SLC1A2: variants seen among roughly 807,000 people sequenced by gnomAD.
SLC1A2 encodes excitatory amino acid transporter 2.
In SLC1A2, 15 loss-of-function variants were observed where a neutral mutation model predicts 48.8. The observed-to-expected ratio is 0.31, with a 90% CI of 0.21 to 0.47. The LOEUF (loss-of-function observed/expected upper bound fraction) is 0.47, where lower values mean the gene tolerates loss of function less well. SLC1A2 is among the 20% of genes least tolerant of loss of function. The probability of loss-of-function intolerance (pLI) is 0.99; values close to 1 mark genes in which losing one functional copy is unlikely to be tolerated. For synonymous variants in SLC1A2, 279 were observed against 272.6 expected (o/e 1.02, Z -0.23); for missense variants, 502 against 730.5 (o/e 0.69, Z 3.61).
At chr11:35,293,896 G>GTGGCTTAT (rs1242509033) in intron 6 of SLC1A2, among the ~76,000 whole-genome samples, 2 of 152,196 alleles carry the variant, frequency 1.3e-5, no homozygotes, top group African/African-American at 4.8e-5. Context: ...ACCATGGTTA[G>GTGGCTTAT]TGGCTTATTC....
intron 1 of SLC1A2, among the ~76,000 whole-genome samples, chr11:35,371,512 G>A (rs569808319): frequency 4.1e-4 from 62 of 152,276 alleles, no homozygotes; most frequent in African/African-American, 1.2e-3. Flanking sequence ...CTGTGACTTC[G>A]TTTCCCTTAG....
chr11:35,393,655 G>A (rs969299895), intron 1 of SLC1A2, among the ~76,000 whole-genome samples: 1 of 152,144 alleles, frequency 6.6e-6, no homozygotes, highest in African/African-American at 2.4e-5. Context: ...TAGGCATTCA[G>A]ACAAAATGTG....
intron 1 of SLC1A2, among the ~76,000 whole-genome samples, chr11:35,395,536 T>A (rs1161928991): frequency 6.6e-6 from 1 of 151,788 alleles, no homozygotes; most frequent in East Asian, 1.9e-4. Context: ...CAAACACAGG[T>A]AAAGCAGGCA....
chr11:35,331,996 G>A (rs143275815), intron 1 of SLC1A2, among the ~76,000 whole-genome samples: 4 of 152,254 alleles, frequency 2.6e-5, no homozygotes, highest in Non-Finnish European at 4.4e-5. Flanking sequence ...AGTCTGCAGG[G>A]ACTGGGAGGT....
chr11:35,336,849 C>T (rs1414812499), intron 1 of SLC1A2, among the ~76,000 whole-genome samples: 1 of 152,132 alleles, frequency 6.6e-6, no homozygotes, highest in Non-Finnish European at 1.5e-5. Flanking sequence ...AATATTTACT[C>T]TTTAGCCCTT....
At chr11:35,291,447 A>G (rs1158542947) in intron 7 of SLC1A2, 1 of 152,124 alleles carries the variant, frequency 6.6e-6, no homozygotes, top group African/African-American at 2.4e-5. Flanking sequence ...TTTTTAGTAG[A>G]GACAGGGTTT....
chr11:35,340,478 C>T (rs1852798182), intron 1 of SLC1A2, among the ~76,000 whole-genome samples: 1 of 152,200 alleles, frequency 6.6e-6, no homozygotes, highest in Non-Finnish European at 1.5e-5. Flanking sequence ...CTGTCCTGCA[C>T]AATTCTGAAT....
intron 10 of SLC1A2, 28 bp from the exon 11 acceptor site, chr11:35,260,993 C>T (rs1405717758): frequency 6.3e-7 from 1 of 1,581,962 alleles, no homozygotes; most frequent in African/African-American, 1.3e-5. Flanking sequence ...CAACATCCAG[C>T]TTACAGACCA....
intron 1 of SLC1A2, among the ~76,000 whole-genome samples, chr11:35,379,407 G>A (rs1168300549): frequency 2.0e-5 from 3 of 152,138 alleles, no homozygotes; most frequent in African/African-American, 7.2e-5. Flanking sequence ...ATTTCAATAG[G>A]CAATACAGAC....
chr11:35,322,513 G>T, intron 1 of SLC1A2: 2 of 1,156,730 alleles, frequency 1.7e-6, no homozygotes, highest in South Asian at 1.3e-5. Flanking sequence ...AAAAGCAACT[G>T]GTGTGTTTCT....
chr11:35,281,055 C>G (rs2134686796), intron 8 of SLC1A2, 54 bp from the exon 9 acceptor site: 2 of 1,482,192 alleles, frequency 1.3e-6, no homozygotes, highest in East Asian at 5.1e-5. Context: ...TTAGCAAAAC[C>G]AACCCTGGCA....
At chr11:35,409,633 G>A (rs1290449584) in intron 1 of SLC1A2, among the ~76,000 whole-genome samples, 2 of 152,194 alleles carry the variant, frequency 1.3e-5, no homozygotes, top group Non-Finnish European at 2.9e-5. Flanking sequence ...AGATGGCTAG[G>A]CATGGTGGTT....
In SLC1A2 at chr11:35,312,466, G is replaced by T. The variant is rs1241749372; in HGVS notation, c.311-18C>A. ...TGACAACCCTGGATTGAAAAGAAATGCAGAAGGATTAATTCTATTACGTTT... is the reference window on the plus strand; with the variant it reads ...TGACAACCCTGGATTGAAAAGAAATTCAGAAGGATTAATTCTATTACGTTT... On this transcript the variant is annotated intron_variant, in intron 3 of 10. Transcript: ENST00000278379. 6 of 1,613,034 alleles carry T rather than the reference G, an allele frequency of 3.7e-6. No individual in the cohort carries two copies. The South Asian group carries it at 6.6e-5, about 18-fold the overall frequency.
intron 7 of SLC1A2, among the ~76,000 whole-genome samples, chr11:35,290,748 G>A (rs1346720642): frequency 1.3e-5 from 2 of 148,696 alleles, no homozygotes; most frequent in Admixed American, 1.3e-4. Context: ...TTCAAGTGAA[G>A]ATCTGTATGG....
Position 35,252,368 on chromosome 11 carries a change from C to G in SLC1A2, c.*8526G>C, listed in dbSNP as rs978624095. Reference sequence around the variant, plus strand: ...AGAGTCAGACTAACTTTTTGTTCCTCTGAGCCCAATCCACCAAGCAAAGGA... The same window carrying G: ...AGAGTCAGACTAACTTTTTGTTCCTGTGAGCCCAATCCACCAAGCAAAGGA... On this transcript the variant is annotated 3_prime_UTR_variant, in exon 11 of 11. Coordinates refer to ENST00000278379, the MANE Select transcript of SLC1A2 (RefSeq NM_004171.4). 6.6e-6 allele frequency: 1 copy of G among 152,126 alleles called. No individual in the cohort carries two copies. Among genetic ancestry groups the G allele is most frequent in the Non-Finnish European group, 1.5e-5 (1 of 68,014 alleles). The allele number at this position is 152,126 out of a possible 1,614,324, so 9.4% of individuals were successfully genotyped here. A position where few individuals can be genotyped will look rare whatever the true frequency, so the allele number is the denominator to read the frequency against.
At chr11:35,284,114 T>TATATATATA (rs1554993927) in intron 8 of SLC1A2, among the ~76,000 whole-genome samples, 9 of 139,618 alleles carry the variant, frequency 6.4e-5, no homozygotes, top group East Asian at 2.1e-4. Context: ...TATATATAAA[T>TATATATATA]TATTATTTTG....
intron 9 of SLC1A2, among the ~76,000 whole-genome samples, chr11:35,273,580 C>T (rs1850349050): frequency 6.6e-6 from 1 of 152,148 alleles, no homozygotes; most frequent in Non-Finnish European, 1.5e-5. Context: ...CATTATATTA[C>T]CATTTTTAGT....
Position 35,274,729 on chromosome 11 carries a change from C to T in SLC1A2, c.1421+6138G>A, listed in dbSNP as rs542594650. On this transcript the variant is annotated intron_variant, in intron 9 of 10. Transcript: ENST00000278379. ...TTGGGATAAGTTACTTCTCTCTGAA[C>T]CTGTTTTCTCAACTGTAAAACAATG... Among the ~76,000 whole-genome samples, 4 of 152,340 alleles carry T rather than the reference C, an allele frequency of 2.6e-5. No individual in the cohort carries two copies. The South Asian group carries it at 8.3e-4, about 32-fold the overall frequency.
At chr11:35,271,237 C>T (rs1850271380) in intron 9 of SLC1A2, among the ~76,000 whole-genome samples, 1 of 152,182 alleles carries the variant, frequency 6.6e-6, no homozygotes, top group African/African-American at 2.4e-5. Context: ...GAGGGTGAAG[C>T]ATGTGACTCA....
Sources: allele counts gnomAD v4.1 joint callset (sites outside exome capture counted in the v4.1 genomes callset), GRCh38; gene constraint gnomAD v4.1.1; transcripts MANE v1.5; gene names NCBI Gene and HGNC (gene_info 2026-07-23, HGNC 2026-07-21).